Variants in IGF2R observed in about 807,000 individuals in gnomAD.
IGF2R encodes insulin like growth factor 2 receptor, also known as cation-independent mannose-6-phosphate receptor.
In IGF2R, 91 loss-of-function variants were observed where a neutral mutation model predicts 270.6. That is an observed-to-expected ratio of 0.34 (90% CI 0.28 to 0.40). The LOEUF is 0.40. Among genes scored for constraint, IGF2R ranks in the 10% least tolerant of loss-of-function variants. The pLI is 1.00. For synonymous variants in IGF2R, 1,316 were observed against 1,258.9 expected (o/e 1.05, Z -0.96); for missense variants, 2,805 against 3,188.3 (o/e 0.88, Z 2.90).
At chr6:160,056,588 A>G in intron 20 of IGF2R, 63 bp downstream of exon 20, 1 of 1,093,708 alleles carries the variant, frequency 9.1e-7, no homozygotes, top group Non-Finnish European at 1.4e-6. Flanking sequence ...AACTCACCCC[A>G]GTGTTCCAGC....
In IGF2R at chr6:160,079,639, A is replaced by G; in HGVS notation, c.5538A>G (p.Glu1846=). 4 of 1,568,012 alleles carry G rather than the reference A, an allele frequency of 2.6e-6. No individual in the cohort carries two copies. The highest frequency in any genetic ancestry group is 1.4e-5 in the African/African-American group (1 of 73,118). The change falls in exon 38 of 48, where the codon GAA becomes GAG. Residue 1846 remains glutamate (E), a synonymous_variant. Transcript: ENST00000356956. The part of the protein sequence containing the change: ...VGVCTFAVGP[E]QGGCKDGGVC... Reference sequence around the variant, plus strand: ...TGTGCACCTTTGCAGTCGGGCCAGAACAAGGAGGCTGTAAGGACGGAGGAG... The same window carrying G: ...TGTGCACCTTTGCAGTCGGGCCAGAGCAAGGAGGCTGTAAGGACGGAGGAG...
At chr6:160,103,183 C>A (rs1272542401) in intron 46 of IGF2R, among the ~76,000 whole-genome samples, 1 of 152,100 alleles carries the variant, frequency 6.6e-6, no homozygotes, top group African/African-American at 2.4e-5. Flanking sequence ...TCAGGCGTTC[C>A]CTGCTGCCAC....
rs752136199 is a variant in IGF2R, at chr6:160,080,255, A to G, written c.5813A>G (p.Glu1938Gly). ...STTADYDRDHEWGFCRHSNSY... is the reference protein window; with the variant it reads ...STTADYDRDHGWGFCRHSNSY... ...ACTGCGGACTACGACAGAGACCACG[A>G]GTGGGGCTTCTGCAGACACTGTGAG... The change falls in exon 39 of 48, where the codon GAG becomes GGG. Residue 1938 changes from glutamate (E) to glycine (G), a missense_variant. By Grantham distance (98) the Glu-to-Gly change is moderately conservative. This residue lies in a region of IGF2R where 1,851 missense variants were observed against 2,207.2 expected (regional missense o/e 0.84). Transcript: ENST00000356956. The G allele has an allele frequency of 3.0e-5, 48 of 1,613,936 alleles. No homozygotes were observed. Among genetic ancestry groups the G allele is most frequent in the Non-Finnish European group, 4.0e-5 (47 of 1,180,010 alleles).
chr6:160,075,038 C>T (rs1392708732), intron 35 of IGF2R, among the ~76,000 whole-genome samples: 6 of 152,056 alleles, frequency 3.9e-5, no homozygotes, highest in Admixed American at 3.9e-4. Flanking sequence ...CTGAACGTGC[C>T]CCACAGTGGT....
chr6:159,970,085 A>C (rs113271195), intron 1 of IGF2R, among the ~76,000 whole-genome samples: 4 of 151,942 alleles, frequency 2.6e-5, no homozygotes, highest in African/African-American at 9.7e-5. Flanking sequence ...ACATGATGTC[A>C]TTGTCTCCGG....
intron 10 of IGF2R, among the ~76,000 whole-genome samples, chr6:160,039,958 C>T (rs999234427): frequency 8.5e-5 from 13 of 152,126 alleles, no homozygotes; most frequent in African/African-American, 2.9e-4. Flanking sequence ...GGTGCACTGA[C>T]GGAACCACAG....
At chr6:160,012,875 C>T (rs1471211049) in intron 4 of IGF2R, among the ~76,000 whole-genome samples, 5 of 151,424 alleles carry the variant, frequency 3.3e-5, no homozygotes, top group African/African-American at 1.2e-4. Context: ...GATCCGCCTG[C>T]CTCGGCCTCC....
At position 160,085,127 on chromosome 6, in the gene IGF2R, C is replaced by T. The variant is rs746671356; in HGVS notation, c.6201C>T (p.Val2067=). ...TCGTTCACACGCAGAAGCTGGGTGT[C>T]ATAGGTAAGGCCTGTGGGTCCTGGT... ...LGLVHTQKLG[V]IGDKVVVTYS... is the part of the protein sequence containing the mutation. Residue 2067 remains valine (V), a synonymous_variant, in exon 41 of 48, where the codon GTC becomes GTT. Transcript: ENST00000356956. The T allele has an allele frequency of 6.2e-7, 1 of 1,613,126 alleles. No individual in the cohort carries two copies. The highest frequency in any genetic ancestry group is 1.3e-5 in the African/African-American group (1 of 75,010).
intron 27 of IGF2R, 37 bp downstream of exon 27, chr6:160,063,667 A>T (rs1778492888): frequency 1.3e-6 from 2 of 1,493,200 alleles, no homozygotes; most frequent in Non-Finnish European, 1.9e-6. Context: ...GTTGCAAAGG[A>T]ATGGAATTAA....
chr6:160,058,128 A>G lies in IGF2R; in HGVS notation c.2898+4A>G, dbSNP rs8191828. On this transcript the variant is annotated splice_donor_region_variant and intron_variant, in intron 21 of 47. Coordinates refer to ENST00000356956, the MANE Select transcript of IGF2R (RefSeq NM_000876.4). ...TGGCATTGGGAAGATTTTTATGGTA[A>G]GAGCGATATGATGCATTTCCAGTTT... 629 of 1,579,366 alleles carry G rather than the reference A, an allele frequency of 4.0e-4. 4 individuals are homozygous for G. In the African/African-American group the frequency reaches 7.7e-3, roughly 19 times the overall value.
intron 6 of IGF2R, 127 bp from the exon 7 acceptor site, chr6:160,029,423 A>G: frequency 1.8e-6 from 1 of 570,280 alleles, no homozygotes; most frequent in Non-Finnish European, 3.2e-6. Context: ...CTACTTTTAT[A>G]TTTTAATATT....
chr6:160,038,838 A>G lies in IGF2R; in HGVS notation c.1316-1722A>G, dbSNP rs143199563. 4.6e-3 allele frequency among the ~76,000 whole-genome samples: 695 copies of G among 152,288 alleles called. 6 individuals carry two copies. The highest frequency in any genetic ancestry group is 0.016 in the African/African-American group (652 of 41,564). ...AACAAAAAACACAGGAGAGAAAACC[A>G]AAGAAAAAAAGAAAAATAGAAAAAA... On this transcript the variant is annotated intron_variant, in intron 10 of 47. Coordinates refer to ENST00000356956, the MANE Select transcript of IGF2R (RefSeq NM_000876.4).
At chr6:160,082,398 C>T (rs1402623448) in intron 39 of IGF2R, among the ~76,000 whole-genome samples, 1 of 151,936 alleles carries the variant, frequency 6.6e-6, no homozygotes, top group Non-Finnish European at 1.5e-5. Flanking sequence ...CAAGCTCCAC[C>T]TTCTGGTTTC....
chr6:160,021,672 A>G (rs568492929), intron 4 of IGF2R, among the ~76,000 whole-genome samples: 1 of 152,190 alleles, frequency 6.6e-6, no homozygotes, highest in South Asian at 2.1e-4. Context: ...AAAACCCCAC[A>G]ATGAGATACC....
In IGF2R at chr6:160,040,722, C is replaced by G. The variant is rs778946837; in HGVS notation, c.1478C>G (p.Ala493Gly). 1.9e-6 allele frequency: 3 copies of G among 1,612,266 alleles called. No individual in the cohort carries two copies. Among genetic ancestry groups the G allele is most frequent in the African/African-American group, 2.7e-5 (2 of 74,908 alleles). ...RYDLSALVRHAEPEQNWEAVD... is the reference protein window; with the variant it reads ...RYDLSALVRHGEPEQNWEAVD... ...GACCTGTCCGCGCTGGTCCGCCATGCAGGTACTGCCCTCCTTGCCATGCGG... is the reference window on the plus strand; with the variant it reads ...GACCTGTCCGCGCTGGTCCGCCATGGAGGTACTGCCCTCCTTGCCATGCGG... The change falls in exon 11 of 48, where the codon GCA (alanine) becomes GGA (glycine). Residue 493 changes from alanine (A) to glycine (G), a missense_variant and splice_region_variant. Ala to Gly is a moderately conservative substitution (Grantham distance 60). Coordinates refer to ENST00000356956, the MANE Select transcript of IGF2R (RefSeq NM_000876.4).
chr6:160,053,541 C>T (rs1172953659), intron 19 of IGF2R, among the ~76,000 whole-genome samples: 1 of 152,160 alleles, frequency 6.6e-6, no homozygotes, highest in Non-Finnish European at 1.5e-5. Context: ...GGAGTTTGCT[C>T]TGCTCTTCTC....
chr6:160,103,948 C>T, intron 47 of IGF2R, 133 bp downstream of exon 47: 1 of 607,128 alleles, frequency 1.6e-6, no homozygotes, highest in Non-Finnish European at 3.0e-6. Context: ...GAAAGCAACA[C>T]CCGTTGCCTC....
intron 1 of IGF2R, among the ~76,000 whole-genome samples, chr6:159,978,830 TAGG>T (rs1783735483): frequency 6.6e-6 from 1 of 152,164 alleles, no homozygotes; most frequent in South Asian, 2.1e-4. Context: ...AGACCTTTGG[TAGG>T]AGTTTTCTTT....
intron 42 of IGF2R, 48 bp from the exon 43 acceptor site, chr6:160,089,059 T>G (rs774292044): frequency 2.5e-6 from 4 of 1,588,242 alleles, no homozygotes; most frequent in Non-Finnish European, 3.4e-6. Flanking sequence ...AGTCTTCCCT[T>G]ATGTCTGGCT....
Sources: allele counts gnomAD v4.1 joint callset (sites outside exome capture counted in the v4.1 genomes callset), GRCh38; gene constraint gnomAD v4.1.1; regional missense constraint gnomAD v4.1.1; transcripts MANE v1.5; gene names NCBI Gene and HGNC (gene_info 2026-07-23, HGNC 2026-07-21).